The following MPST variants were observed in gnomAD, a reference collection of about 807,000 sequenced individuals.
MPST encodes the protein mercaptopyruvate sulfurtransferase.
A neutral mutation model predicts 28.5 loss-of-function variants in MPST; 27 were observed. The ratio of observed to expected loss-of-function variants is 0.95; its 90% CI spans 0.70 to 1.31. The LOEUF is 1.31. Among genes scored for constraint, MPST ranks in the 50% most tolerant of loss-of-function variants. The probability of loss-of-function intolerance (pLI) is 0.00; values close to 1 mark genes in which losing one functional copy is unlikely to be tolerated. For missense variants in MPST, 492 were observed against 471.1 expected, an observed-to-expected ratio of 1.04 and a Z score of -0.41; for synonymous variants, 204 against 209.3, an observed-to-expected ratio of 0.97 and a Z score of 0.22.
chr22:37,027,883 G>A (rs1375509858), intron 2 of MPST: 2 of 152,204 alleles, frequency 1.3e-5, no homozygotes, highest in East Asian at 1.9e-4. Flanking sequence ...CACCCACTGA[G>A]CCCCCAGCCA....
chr22:37,021,247 C>A (rs1923049543), intron 1 of MPST, among the ~76,000 whole-genome samples: 1 of 152,156 alleles, frequency 6.6e-6, no homozygotes, highest in Non-Finnish European at 1.5e-5. Context: ...CTGAATCACA[C>A]AGGCACCTGG....
Position 37,029,343 on chromosome 22 carries a change from TAAGCCACTGGTG to T in MPST, c.784_795del (p.Lys262_Val265del). 6.2e-7 allele frequency: 1 copy of T among 1,614,122 alleles called. No homozygotes were observed. On this transcript the variant is annotated inframe_deletion, in exon 3 of 3. Coordinates refer to ENST00000429360, the MANE Select transcript of MPST (RefSeq NM_021126.8). ...TCCAGGAGAAGAAAGTGGACCTGTCTAAGCCACTGGTGGCCACGTGTGGCTCTGGCGTCACAG... is the reference window on the plus strand; with the variant it reads ...TCCAGGAGAAGAAAGTGGACCTGTCTGCCACGTGTGGCTCTGGCGTCACAG...
At chr22:37,027,007 CAG>C (rs1442896550) in intron 2 of MPST, 2 of 152,464 alleles carry the variant, frequency 1.3e-5, no homozygotes, top group East Asian at 3.8e-4. Context: ...AGCTGGAGTA[CAG>C]TGGCGCAATC....
Position 37,024,511 on chromosome 22 carries a change from T to G in MPST, c.356T>G (p.Ile119Ser). The G allele has an allele frequency of 6.4e-7, 1 of 1,565,306 alleles. No homozygotes were observed. The highest frequency in any genetic ancestry group is 8.6e-7 in the Non-Finnish European group (1 of 1,159,908). The part of the protein sequence containing the change: ...LGVGAATHVV[I>S]YDASDQGLYS... ...GTGGGCGCGGCCACCCACGTCGTGA[T>G]CTACGACGCCAGCGACCAGGGCCTC... is the stretch of plus-strand genomic sequence containing the variant. The change falls in exon 2 of 3, where the codon ATC (isoleucine) becomes AGC (serine). Residue 119 changes from isoleucine (I) to serine (S), a missense_variant. By Grantham distance (142) the Ile-to-Ser change is moderately radical. Transcript: ENST00000429360.
At chr22:37,029,140 C>A in intron 2 of MPST, 76 bp from the exon 3 acceptor site, 2 of 1,359,962 alleles carry the variant, frequency 1.5e-6, no homozygotes, top group Non-Finnish European at 2.0e-6. Flanking sequence ...CTCTCAATAT[C>A]TCGAGCACCA....
Position 37,024,463 on chromosome 22 carries a change from C to T in MPST, c.308C>T (p.Ala103Val), listed in dbSNP as rs184103767. ...DHMLPGAEHF[A>V]EYAGRLGVGA... is the part of the protein sequence containing the mutation. The stretch of plus-strand genomic sequence containing the variant: ...ATGCTGCCCGGGGCCGAGCATTTCG[C>T]GGAGTACGCAGGCCGCCTGGGCGTG... Residue 103 changes from alanine (A) to valine (V), a missense_variant, in exon 2 of 3, where the codon GCG (alanine) becomes GTG (valine). Ala to Val is a moderately conservative substitution (Grantham distance 64). Coordinates refer to ENST00000429360, the MANE Select transcript of MPST (RefSeq NM_021126.8). 1.6e-3 allele frequency: 2,473 copies of T among 1,552,420 alleles called. 36 individuals carry two copies. The African/African-American group carries it at 0.029, about 18-fold the overall frequency.
At chr22:37,021,371 C>G (rs550455939) in intron 1 of MPST, among the ~76,000 whole-genome samples, 10 of 152,152 alleles carry the variant, frequency 6.6e-5, no homozygotes, top group Non-Finnish European at 1.5e-4. Flanking sequence ...GACCTCAGAT[C>G]TCTGAAGTCC....
intron 2 of MPST, chr22:37,027,039 G>A (rs9610632): frequency 0.04 from 6,055 of 152,416 alleles, 168 homozygotes; most frequent in Admixed American, 0.09. Context: ...CACAACCTCC[G>A]CCTCCCGGGT....
At chr22:37,023,744 C>G (rs1331163607) in intron 1 of MPST, 3 of 1,134,988 alleles carry the variant, frequency 2.6e-6, no homozygotes, top group East Asian at 1.7e-4. Context: ...AGCTACTGTT[C>G]CTATTAGGTC....
chr22:37,020,809 C>T (rs1345076719), intron 1 of MPST, among the ~76,000 whole-genome samples: 1 of 152,140 alleles, frequency 6.6e-6, no homozygotes. Context: ...CAGGCATGTG[C>T]CACCATTCCC....
chr22:37,022,761 C>T (rs1434873266), intron 1 of MPST, among the ~76,000 whole-genome samples: 4 of 152,250 alleles, frequency 2.6e-5, no homozygotes, highest in African/African-American at 9.6e-5. Flanking sequence ...TGTTCTCTAC[C>T]TGCCCCCTTC....
Position 37,024,444 on chromosome 22 carries a change from C to T in MPST, c.289C>T (p.Pro97Ser). The T allele has an allele frequency of 6.5e-7, 1 of 1,547,312 alleles. No individual in the cohort carries two copies. Among genetic ancestry groups the T allele is most frequent in the Non-Finnish European group, 8.7e-7 (1 of 1,144,994 alleles). Residue 97 changes from proline to serine, a missense_variant, in exon 2 of 3, where the codon CCC becomes TCC. Physicochemically the swap from Pro to Ser is moderately conservative, Grantham distance 74. Coordinates refer to ENST00000429360, the MANE Select transcript of MPST (RefSeq NM_021126.8). ...CACCTCGCCCTACGACCACATGCTG[C>T]CCGGGGCCGAGCATTTCGCGGAGTA... Reference protein sequence around the residue: ...DRTSPYDHMLPGAEHFAEYAG... With the variant: ...DRTSPYDHMLSGAEHFAEYAG...
chr22:37,024,585 G>T lies in MPST; in HGVS notation c.430G>T (p.Ala144Ser). Residue 144 changes from alanine (A) to serine (S), a missense_variant, in exon 2 of 3, where the codon GCC becomes TCC. Physicochemically the swap from Ala to Ser is moderately conservative, Grantham distance 99. Transcript: ENST00000429360. ...WWMFRAFGHH[A>S]VSLLDGGLRH... ...GATGTTCCGCGCCTTCGGCCACCAC[G>T]CCGTGTCACTGCTTGATGGCGGCCT... The T allele has an allele frequency of 1.3e-6, 2 of 1,591,796 alleles. No individual in the cohort carries two copies. Among genetic ancestry groups the T allele is most frequent in the Non-Finnish European group, 1.7e-6 (2 of 1,175,494 alleles).
chr22:37,029,359 A>G lies in MPST; in HGVS notation c.799A>G (p.Thr267Ala). ...KVDLSKPLVA[T>A]CGSGVTACHV... ...GGACCTGTCTAAGCCACTGGTGGCCACGTGTGGCTCTGGCGTCACAGCCTG... is the reference window on the plus strand; with the variant it reads ...GGACCTGTCTAAGCCACTGGTGGCCGCGTGTGGCTCTGGCGTCACAGCCTG... The change falls in exon 3 of 3, where the codon ACG becomes GCG. Residue 267 changes from threonine to alanine, a missense_variant. Transcript: ENST00000429360. The G allele has an allele frequency of 6.2e-7, 1 of 1,614,072 alleles. No homozygotes were observed.
In MPST at chr22:37,021,506, T is replaced by C. The variant is rs1018516342; in HGVS notation, c.36+1634T>C. The stretch of plus-strand genomic sequence containing the variant: ...TTATTATTTTGAGATGGAGTCTCAC[T>C]CTGTTGCCCAGGCTGGAGTGCAGTG... On this transcript the variant is annotated intron_variant, in intron 1 of 2. Transcript: ENST00000429360. 1.1e-4 allele frequency among the ~76,000 whole-genome samples: 16 copies of C among 152,216 alleles called. No individual in the cohort carries two copies. The East Asian group carries it at 1.5e-3, about 15-fold the overall frequency.
In MPST at chr22:37,024,217, T is replaced by C; in HGVS notation, c.62T>C (p.Met21Thr). The C allele has an allele frequency of 7.2e-7, 1 of 1,384,390 alleles. No individual in the cohort carries two copies. Among genetic ancestry groups the C allele is most frequent in the Non-Finnish European group, 9.3e-7 (1 of 1,077,330 alleles). The allele number at this position is 1,384,390 out of a possible 1,614,324, so 85.8% of individuals were successfully genotyped here. A position where few individuals can be genotyped will look rare whatever the true frequency, so the allele number is the denominator to read the frequency against. Residue 21 changes from methionine (M) to threonine (T), a missense_variant, in exon 2 of 3, where the codon ATG becomes ACG. Transcript: ENST00000429360. ...GCCCGCAGCCCGAGTGTCGCCGCCA[T>C]GGCTTCGCCGCAGCTCTGCCGCGCG... is the stretch of plus-strand genomic sequence containing the variant. Reference protein sequence around the residue: ...TRARSPSVAAMASPQLCRALV... With the variant: ...TRARSPSVAATASPQLCRALV...
rs201718662 is a variant in MPST at position 37,024,470 on chromosome 22, C to T, written c.315C>T (p.Tyr105=). 7 of 1,556,608 alleles carry T rather than the reference C, an allele frequency of 4.5e-6. No homozygotes were observed. The African/African-American group carries it at 6.8e-5, about 15-fold the overall frequency. ...CCGGGGCCGAGCATTTCGCGGAGTA[C>T]GCAGGCCGCCTGGGCGTGGGCGCGG... ...MLPGAEHFAE[Y]AGRLGVGAAT... Residue 105 remains tyrosine (Y), a synonymous_variant, in exon 2 of 3, where the codon TAC becomes TAT. Transcript: ENST00000429360.
At chr22:37,024,023 C>A in intron 1 of MPST, 169 bp from the exon 2 acceptor site, 1 of 1,314,406 alleles carries the variant, frequency 7.6e-7, no homozygotes, top group Non-Finnish European at 1.0e-6. Context: ...AGGCCCCTGG[C>A]TACCCACCTT....
At chr22:37,024,093 G>T (rs1245405197) in intron 1 of MPST, 99 bp from the exon 2 acceptor site, 1 of 1,273,868 alleles carries the variant, frequency 7.9e-7, no homozygotes, top group Non-Finnish European at 1.0e-6. Flanking sequence ...TGCACGGGCC[G>T]CACCTCCCCC....
Sources: gnomAD v4.1 joint callset for allele counts (sites outside exome capture counted in the v4.1 genomes callset) on GRCh38, gnomAD v4.1.1 for gene constraint, MANE v1.5 for transcripts, NCBI Gene and HGNC (gene_info 2026-07-23, HGNC 2026-07-21) for gene names.